Variants in MAGI1 observed in about 807,000 individuals in gnomAD.
MAGI1 encodes membrane associated guanylate kinase, WW and PDZ domain containing 1.
Under a neutral mutation model 139.9 loss-of-function variants are expected in MAGI1, and 58 were observed. The ratio of observed to expected loss-of-function variants is 0.41; its 90% confidence interval spans 0.34 to 0.52. The LOEUF is 0.52. Among genes scored for constraint, MAGI1 ranks in the 20% least tolerant of loss-of-function variants. The pLI is 0.12. For synonymous variants in MAGI1, 812 were observed against 737.9 expected (o/e 1.10, Z -1.63); for missense variants, 1,874 against 1,901.6 (o/e 0.99, Z 0.27).
intron 1 of MAGI1, among the ~76,000 whole-genome samples, chr3:65,717,237 G>C (rs1219477480): frequency 6.6e-6 from 1 of 152,148 alleles, no homozygotes; most frequent in South Asian, 2.1e-4. Context: ...TTCAAACCCA[G>C]TTAGACTCAA....
intron 1 of MAGI1, among the ~76,000 whole-genome samples, chr3:65,998,371 T>C (rs1431594271): frequency 6.6e-6 from 1 of 152,212 alleles, no homozygotes; most frequent in East Asian, 1.9e-4. Flanking sequence ...TAGGGTAGTT[T>C]GTTACATAGC....
intron 1 of MAGI1, among the ~76,000 whole-genome samples, chr3:65,962,939 C>CA (rs200089141): frequency 0.035 from 2,966 of 84,810 alleles, 80 homozygotes; most frequent in East Asian, 0.16. Flanking sequence ...CAAGTGTCAG[C>CA]AAAAAAAAAA....
chr3:65,370,447 A>G lies in MAGI1; in HGVS notation c.3196+5298T>C, dbSNP rs1941875095. ...ACATGTATTGCCTTAAAAAATATCA[A>G]TCCTCAACTATGTTGTACCAGTTTT... On this transcript the variant is annotated intron_variant, in intron 18 of 22. Coordinates refer to ENST00000402939, the MANE Select transcript of MAGI1 (RefSeq NM_001033057.2). Among the ~76,000 whole-genome samples, 8 of 152,294 alleles carry G rather than the reference A, an allele frequency of 5.3e-5. No individual in the cohort carries two copies. The South Asian group carries it at 6.2e-4, about 12-fold the overall frequency.
chr3:65,366,859 C>T (rs1559897903), intron 18 of MAGI1, among the ~76,000 whole-genome samples: 1 of 152,128 alleles, frequency 6.6e-6, no homozygotes, highest in Non-Finnish European at 1.5e-5. Flanking sequence ...TTTAATGACG[C>T]TATTTTAACA....
chr3:65,441,024 G>A (rs1043354818), intron 8 of MAGI1, among the ~76,000 whole-genome samples: 5 of 151,788 alleles, frequency 3.3e-5, no homozygotes, highest in African/African-American at 9.7e-5. Context: ...GCAGTGGTGC[G>A]ATCTTGGCTC....
intron 1 of MAGI1, among the ~76,000 whole-genome samples, chr3:65,949,336 T>C (rs1410283514): frequency 6.6e-6 from 1 of 152,228 alleles, no homozygotes; most frequent in Non-Finnish European, 1.5e-5. Flanking sequence ...ATTTCTGTTG[T>C]TATTACTACT....
chr3:65,979,836 G>C (rs990865208), intron 1 of MAGI1, among the ~76,000 whole-genome samples: 1 of 152,172 alleles, frequency 6.6e-6, no homozygotes, highest in African/African-American at 2.4e-5. Context: ...CAAAAATTCA[G>C]AATCAGTCTT....
At chr3:65,515,797 G>C (rs1391974403) in intron 2 of MAGI1, among the ~76,000 whole-genome samples, 2 of 152,216 alleles carry the variant, frequency 1.3e-5, no homozygotes, top group East Asian at 3.9e-4. Flanking sequence ...CAAATCATAT[G>C]GTCCAATACT....
chr3:65,764,385 C>T (rs1424698261), intron 1 of MAGI1, among the ~76,000 whole-genome samples: 1 of 152,128 alleles, frequency 6.6e-6, no homozygotes, highest in Non-Finnish European at 1.5e-5. Context: ...CCCCACTATT[C>T]AAAAAGGAAA....
At chr3:65,563,064 GA>G (rs2080437847) in intron 2 of MAGI1, among the ~76,000 whole-genome samples, 1 of 152,068 alleles carries the variant, frequency 6.6e-6, no homozygotes, top group African/African-American at 2.4e-5. Flanking sequence ...GATTTTTTAT[GA>G]CTTCCCTTTA....
intron 1 of MAGI1, among the ~76,000 whole-genome samples, chr3:65,961,594 TAA>T (rs1576273424): frequency 6.6e-6 from 1 of 152,204 alleles, no homozygotes; most frequent in East Asian, 1.9e-4. Context: ...AAAATAATAT[TAA>T]AATGAAGCCC....
intron 1 of MAGI1, among the ~76,000 whole-genome samples, chr3:65,832,423 A>G (rs1169282783): frequency 1.3e-5 from 2 of 152,204 alleles, no homozygotes; most frequent in Admixed American, 1.3e-4. Context: ...ATGGAGAATC[A>G]CAAAAGAATA....
intron 6 of MAGI1, among the ~76,000 whole-genome samples, chr3:65,452,391 C>G (rs1484904995): frequency 6.6e-6 from 1 of 152,112 alleles, no homozygotes; most frequent in East Asian, 1.9e-4. Flanking sequence ...TAATAAAGTT[C>G]TGTTATCTTA....
rs186445422 is a variant in MAGI1, at chr3:65,917,175, G to C, written c.313+120821C>G. On this transcript the variant is annotated intron_variant, in intron 1 of 22. Transcript: ENST00000402939. ...GATGAGGAGTTACATGGGGCTACAG[G>C]GTTTCCTTTCTCCTCTATCCTTCTA... is the stretch of plus-strand genomic sequence containing the variant. 2.0e-3 allele frequency among the ~76,000 whole-genome samples: 304 copies of C among 152,160 alleles called. 4 individuals are homozygous for C. Among genetic ancestry groups the C allele is most frequent in the South Asian group, 0.014 (67 of 4,820 alleles).
intron 2 of MAGI1, among the ~76,000 whole-genome samples, chr3:65,608,802 A>G (rs188659418): frequency 1.3e-5 from 2 of 152,330 alleles, no homozygotes; most frequent in East Asian, 1.9e-4. Context: ...ACATATGTCC[A>G]TTGTATAAGA....
intron 2 of MAGI1, among the ~76,000 whole-genome samples, chr3:65,568,692 C>T (rs1194043926): frequency 6.6e-6 from 1 of 152,198 alleles, no homozygotes; most frequent in East Asian, 1.9e-4. Context: ...AGAAGGATTG[C>T]TGCCAAGTTT....
At chr3:65,562,459 G>C (rs1027876297) in intron 2 of MAGI1, among the ~76,000 whole-genome samples, 2 of 152,134 alleles carry the variant, frequency 1.3e-5, no homozygotes, top group East Asian at 3.9e-4. Context: ...CTCTTGGCTT[G>C]TTTTGTTATG....
intron 1 of MAGI1, among the ~76,000 whole-genome samples, chr3:65,805,862 T>A (rs1205304911): frequency 6.6e-6 from 1 of 152,158 alleles, no homozygotes; most frequent in Non-Finnish European, 1.5e-5. Flanking sequence ...CCGCATGTTC[T>A]CACTCATAAT....
intron 2 of MAGI1, among the ~76,000 whole-genome samples, chr3:65,534,848 G>A (rs1022168218): frequency 6.6e-6 from 1 of 152,274 alleles, no homozygotes; most frequent in East Asian, 1.9e-4. Flanking sequence ...GGAGGTTTCA[G>A]CTCTGATTTC....
Sources: allele counts gnomAD v4.1 joint callset (sites outside exome capture counted in the v4.1 genomes callset), GRCh38; gene constraint gnomAD v4.1.1; transcripts MANE v1.5; gene names NCBI Gene and HGNC (gene_info 2026-07-23, HGNC 2026-07-21).